Variants in GRM8 observed in about 807,000 individuals in gnomAD.
GRM8 encodes glutamate metabotropic receptor 8, also known as metabotropic glutamate receptor 8.
Under a neutral mutation model 87.2 loss-of-function variants are expected in GRM8, and 47 were observed. That is an observed-to-expected ratio of 0.54 (90% confidence interval 0.43 to 0.69). The LOEUF (loss-of-function observed/expected upper bound fraction) is 0.69, where lower values mean the gene tolerates loss of function less well. GRM8 is among the 30% of genes least tolerant of loss of function. The pLI, the probability that GRM8 is intolerant of heterozygous loss-of-function variation, is 0.00. For synonymous variants in GRM8, 396 were observed against 404.5 expected, an observed-to-expected ratio of 0.98 and a Z score of 0.25; for missense variants, 1,019 against 1,139.2, an observed-to-expected ratio of 0.89 and a Z score of 1.52.
chr7:126,958,051 C>G (rs1808919797), intron 3 of GRM8, among the ~76,000 whole-genome samples: 1 of 152,292 alleles, frequency 6.6e-6, no homozygotes, highest in Middle Eastern at 3.4e-3. Context: ...GAGCCACCTA[C>G]TTGGTGTCTC....
At chr7:126,541,622 T>G (rs1410330601) in intron 8 of GRM8, among the ~76,000 whole-genome samples, 1 of 152,170 alleles carries the variant, frequency 6.6e-6, no homozygotes, top group African/African-American at 2.4e-5. Context: ...ACGCTGAGGC[T>G]GTTGCGGAAT....
chr7:127,014,595 CATAAAT>C (rs1198335185), intron 3 of GRM8, among the ~76,000 whole-genome samples: 3 of 152,020 alleles, frequency 2.0e-5, no homozygotes, highest in Admixed American at 2.0e-4. Flanking sequence ...ATTAAACAGA[CATAAAT>C]ATAAATTACC....
chr7:126,965,096 G>A (rs1390740558), intron 3 of GRM8, among the ~76,000 whole-genome samples: 1 of 151,962 alleles, frequency 6.6e-6, no homozygotes, highest in Admixed American at 6.6e-5. Flanking sequence ...CTCATAAATG[G>A]GAGTAGAACA....
intron 7 of GRM8, among the ~76,000 whole-genome samples, chr7:126,647,130 G>A (rs1433613252): frequency 6.6e-6 from 1 of 152,048 alleles, no homozygotes; most frequent in African/African-American, 2.4e-5. Context: ...AGTGGTGCAT[G>A]CGTGCAGTCC....
chr7:126,649,626 C>T lies in GRM8; in HGVS notation c.1358-40128G>A, dbSNP rs1421517989. ...GTACCTGGAGTGGAGTCAGTAGAGA[C>T]ATTCCTTCTAAGGTGAAGGATAAGT... is the stretch of plus-strand genomic sequence containing the variant. On this transcript the variant is annotated intron_variant, in intron 7 of 10. Transcript: ENST00000339582. Among the ~76,000 whole-genome samples, 3 of 152,166 alleles carry T rather than the reference C, an allele frequency of 2.0e-5. No individual in the cohort carries two copies. The East Asian group carries it at 5.8e-4, about 29-fold the overall frequency.
At chr7:126,971,179 A>AC (rs1049553770) in intron 3 of GRM8, among the ~76,000 whole-genome samples, 1 of 132,856 alleles carries the variant, frequency 7.5e-6, no homozygotes, top group Non-Finnish European at 1.7e-5. Flanking sequence ...AAAAAAAAAA[A>AC]AAAAACACTA....
At chr7:126,514,030 T>C (rs1372563824) in intron 9 of GRM8, among the ~76,000 whole-genome samples, 1 of 152,166 alleles carries the variant, frequency 6.6e-6, no homozygotes, top group Non-Finnish European at 1.5e-5. Flanking sequence ...ATCATGCATT[T>C]GTTCATTTCT....
chr7:126,789,639 TG>T (rs1303568615), intron 6 of GRM8, among the ~76,000 whole-genome samples: 2 of 152,186 alleles, frequency 1.3e-5, no homozygotes, highest in Non-Finnish European at 2.9e-5. Context: ...GCTTCTTATT[TG>T]CCAGTGACAA....
At chr7:126,574,542 C>T (rs550682632) in intron 8 of GRM8, among the ~76,000 whole-genome samples, 5 of 152,152 alleles carry the variant, frequency 3.3e-5, no homozygotes, top group African/African-American at 4.8e-5. Context: ...ACCTATTATA[C>T]GGTCAGTGAT....
intron 6 of GRM8, among the ~76,000 whole-genome samples, chr7:126,790,161 C>A (rs13239613): frequency 6.6e-6 from 1 of 151,926 alleles, no homozygotes; most frequent in East Asian, 1.9e-4. Context: ...GCGTGCACCA[C>A]AATGCTCAGC....
At chr7:127,050,588 G>A (rs889800633) in intron 3 of GRM8, among the ~76,000 whole-genome samples, 6 of 152,174 alleles carry the variant, frequency 3.9e-5, no homozygotes, top group Admixed American at 6.5e-5. Context: ...GGGAAGGAAA[G>A]TTCTGAAGGC....
chr7:127,040,604 G>A (rs1818335744), intron 3 of GRM8, among the ~76,000 whole-genome samples: 1 of 147,900 alleles, frequency 6.8e-6, no homozygotes, highest in Non-Finnish European at 1.5e-5. Context: ...TATTCCTTGT[G>A]AAAAAAAAAA....
chr7:126,992,801 C>G (rs1044346761), intron 3 of GRM8, among the ~76,000 whole-genome samples: 1 of 149,892 alleles, frequency 6.7e-6, no homozygotes, highest in Admixed American at 6.7e-5. Flanking sequence ...TGCCATCTCT[C>G]TCTCCGTGTG....
intron 8 of GRM8, among the ~76,000 whole-genome samples, chr7:126,605,822 G>T (rs550215470): frequency 2.0e-4 from 30 of 152,316 alleles, no homozygotes; most frequent in African/African-American, 6.7e-4. Flanking sequence ...GGTCAGGCCA[G>T]ATTAGCAACC....
At chr7:126,684,828 T>C (rs1807990740) in intron 7 of GRM8, among the ~76,000 whole-genome samples, 1 of 152,244 alleles carries the variant, frequency 6.6e-6, no homozygotes, top group Non-Finnish European at 1.5e-5. Context: ...CACAAGTTGT[T>C]GAAGTCTGAA....
intron 2 of GRM8, chr7:127,228,491 T>G (rs148581984): frequency 2.6e-5 from 4 of 152,158 alleles, no homozygotes; most frequent in African/African-American, 9.7e-5. Flanking sequence ...AGCAGAGAGA[T>G]GTTTAACTCA....
intron 7 of GRM8, among the ~76,000 whole-genome samples, chr7:126,627,711 G>A (rs1163806984): frequency 6.6e-6 from 1 of 152,064 alleles, no homozygotes; most frequent in East Asian, 1.9e-4. Context: ...GTTTAAGAAA[G>A]TCCCTCATAT....
intron 7 of GRM8, among the ~76,000 whole-genome samples, chr7:126,633,284 A>C (rs1274690669): frequency 6.6e-6 from 1 of 152,110 alleles, no homozygotes. Flanking sequence ...AACAAACAAA[A>C]AACAAATTAC....
At chr7:126,646,008 G>A (rs1802999990) in intron 7 of GRM8, among the ~76,000 whole-genome samples, 1 of 151,898 alleles carries the variant, frequency 6.6e-6, no homozygotes, top group South Asian at 2.1e-4. Context: ...CTCCCTCTCT[G>A]TCTCTAGAGC....
Sources: gnomAD v4.1 joint callset for allele counts (sites outside exome capture counted in the v4.1 genomes callset) on GRCh38, gnomAD v4.1.1 for gene constraint, MANE v1.5 for transcripts, NCBI Gene and HGNC (gene_info 2026-07-23, HGNC 2026-07-21) for gene names.